Variants in ACTR2 observed in about 807,000 individuals in gnomAD.
The protein encoded by ACTR2 is actin-related protein 2.
ACTR2 carries 5 observed loss-of-function variants against 50.2 expected under a neutral mutation model. That is an observed-to-expected ratio of 0.10 (90% CI 0.05 to 0.21). The LOEUF (loss-of-function observed/expected upper bound fraction) is 0.21, where lower values mean the gene tolerates loss of function less well. ACTR2 is among the 10% of genes least tolerant of loss of function. ACTR2 has a pLI of 1.00. For missense variants in ACTR2, 180 were observed against 480.6 expected (o/e 0.37, Z 5.85); for synonymous variants, 140 against 162.9 (o/e 0.86, Z 1.07).
chr2:65,256,734 AGGT>A (rs1367509480), intron 6 of ACTR2, among the ~76,000 whole-genome samples: 1 of 152,074 alleles, frequency 6.6e-6, no homozygotes, highest in African/African-American at 2.4e-5. Context: ...TAGCTGGGCA[AGGT>A]GGTGGGCACC....
chr2:65,251,774 A>ATT (rs1672056175), intron 4 of ACTR2, among the ~76,000 whole-genome samples: 1 of 152,226 alleles, frequency 6.6e-6, no homozygotes, highest in Non-Finnish European at 1.5e-5. Flanking sequence ...AATATATAGT[A>ATT]GATTAAAAAG....
At chr2:65,261,663 G>A (rs1352364466) in intron 7 of ACTR2, among the ~76,000 whole-genome samples, 1 of 152,144 alleles carries the variant, frequency 6.6e-6, no homozygotes, top group African/African-American at 2.4e-5. Flanking sequence ...TAGATTAAAT[G>A]CATCAGTTCT....
chr2:65,253,419 C>T (rs1672089743), intron 4 of ACTR2, among the ~76,000 whole-genome samples: 1 of 151,674 alleles, frequency 6.6e-6, no homozygotes, highest in South Asian at 2.1e-4. Flanking sequence ...CTCCTCCAGC[C>T]TGGGTGACAG....
intron 3 of ACTR2, among the ~76,000 whole-genome samples, chr2:65,248,177 G>A (rs540736460): frequency 1.3e-5 from 2 of 152,042 alleles, no homozygotes; most frequent in Non-Finnish European, 2.9e-5. Context: ...CGAGGTGGGC[G>A]GATCACGAGG....
chr2:65,250,790 T>G (rs1314866316), intron 3 of ACTR2, among the ~76,000 whole-genome samples: 2 of 152,138 alleles, frequency 1.3e-5, no homozygotes, highest in Non-Finnish European at 2.9e-5. Flanking sequence ...CTAAGAAATC[T>G]TTGCTTTGTC....
chr2:65,243,867 G>T (rs1490531744), intron 2 of ACTR2, among the ~76,000 whole-genome samples: 13 of 151,962 alleles, frequency 8.6e-5, no homozygotes, highest in Non-Finnish European at 1.6e-4. Context: ...TCAGTGGCGG[G>T]GCAGGTGGTT....
chr2:65,241,047 C>T (rs1671832926), intron 2 of ACTR2, among the ~76,000 whole-genome samples: 1 of 150,588 alleles, frequency 6.6e-6, no homozygotes, highest in African/African-American at 2.4e-5. Flanking sequence ...CTGGCCTCTC[C>T]TGTTAACAAA....
intron 1 of ACTR2, among the ~76,000 whole-genome samples, chr2:65,235,174 G>GTA (rs1470969981): frequency 6.6e-6 from 1 of 151,244 alleles, no homozygotes; most frequent in African/African-American, 2.4e-5. Context: ...TGAGAGGTGT[G>GTA]TGTGTGTGTG....
At chr2:65,249,290 A>G (rs886914949) in intron 3 of ACTR2, among the ~76,000 whole-genome samples, 2 of 152,234 alleles carry the variant, frequency 1.3e-5, no homozygotes, top group Admixed American at 6.5e-5. Flanking sequence ...TAAAGCCTGT[A>G]TTAAAACTCA....
chr2:65,228,145 C>T (rs1025454361), intron 1 of ACTR2, 188 bp downstream of exon 1: 12 of 467,214 alleles, frequency 2.6e-5, no homozygotes, highest in African/African-American at 1.6e-4. Flanking sequence ...GAGCCTGCCA[C>T]CCATTTAGCC....
Position 65,265,153 on chromosome 2 carries a change from A to T in ACTR2, c.992A>T (p.Lys331Met). 1 of 1,614,214 alleles carries T rather than the reference A, an allele frequency of 6.2e-7. No individual in the cohort carries two copies. The highest frequency in any genetic ancestry group is 8.5e-7 in the Non-Finnish European group (1 of 1,180,034). ...CAGCTTTACTTAGAACGAGTTTTGA[A>T]GGGTGATGTGGAAAAACTTTCTGTA... Reference protein sequence around the residue: ...LKQLYLERVLKGDVEKLSKFK... With the variant: ...LKQLYLERVLMGDVEKLSKFK... Residue 331 changes from lysine (K) to methionine (M), a missense_variant, in exon 8 of 9, where the codon AAG (lysine) becomes ATG (methionine). Physicochemically the swap from Lys to Met is moderately conservative, Grantham distance 95. Transcript: ENST00000260641.
At chr2:65,229,998 G>C (rs1671605543) in intron 1 of ACTR2, among the ~76,000 whole-genome samples, 1 of 152,170 alleles carries the variant, frequency 6.6e-6, no homozygotes. Context: ...CTATGAGACA[G>C]AGGATAAGGG....
intron 8 of ACTR2, among the ~76,000 whole-genome samples, chr2:65,268,130 C>G (rs1217223778): frequency 6.6e-6 from 1 of 151,936 alleles, no homozygotes; most frequent in Non-Finnish European, 1.5e-5. Context: ...CCACCACACC[C>G]AGCCATGCAA....
intron 1 of ACTR2, among the ~76,000 whole-genome samples, chr2:65,230,403 ATTTT>A (rs11299935): frequency 1.3e-5 from 1 of 78,170 alleles, no homozygotes; most frequent in Non-Finnish European, 2.3e-5. Context: ...ACCGAAGCTG[ATTTT>A]TTTTTTTTTT....
intron 1 of ACTR2, among the ~76,000 whole-genome samples, chr2:65,237,416 A>C (rs1671759818): frequency 6.6e-6 from 1 of 151,962 alleles, no homozygotes; most frequent in Non-Finnish European, 1.5e-5. Context: ...AATTTTTTGT[A>C]ATTTTTTCCG....
At position 65,265,031 on chromosome 2, in the gene ACTR2, G is replaced by T; in HGVS notation, c.882-12G>T. 1 of 1,614,058 alleles carries T rather than the reference G, an allele frequency of 6.2e-7. No homozygotes were observed. On this transcript the variant is annotated splice_polypyrimidine_tract_variant and intron_variant, in intron 7 of 8. Transcript: ENST00000260641. ...CTAAAACTCCAAATGAATAACCATT[G>T]TGCCTTTCTAGATCTGAATTCTACA...
At chr2:65,235,131 AAG>A (rs1250688081) in intron 1 of ACTR2, among the ~76,000 whole-genome samples, 1 of 152,036 alleles carries the variant, frequency 6.6e-6, no homozygotes, top group Non-Finnish European at 1.5e-5. Flanking sequence ...TTTGACTTAA[AAG>A]AGAGTTTGTG....
At chr2:65,261,208 T>C (rs1487802397) in intron 6 of ACTR2, 39 bp from the exon 7 acceptor site, 3 of 1,611,088 alleles carry the variant, frequency 1.9e-6, no homozygotes, top group Non-Finnish European at 2.5e-6. Flanking sequence ...GAAATTTTAA[T>C]CTTTTGCTGA....
intron 1 of ACTR2, among the ~76,000 whole-genome samples, chr2:65,238,145 G>A (rs1350315490): frequency 6.6e-6 from 1 of 152,022 alleles, no homozygotes; most frequent in African/African-American, 2.4e-5. Flanking sequence ...TCCAGCCTAG[G>A]CAACATACAA....
Sources: gnomAD v4.1 joint callset for allele counts (sites outside exome capture counted in the v4.1 genomes callset) on GRCh38, gnomAD v4.1.1 for gene constraint, MANE v1.5 for transcripts, NCBI Gene and HGNC (gene_info 2026-07-23, HGNC 2026-07-21) for gene names.